TOX3: variants seen among roughly 807,000 people sequenced by gnomAD.
TOX3 encodes the protein CAG trinucleotide repeat-containing gene F9 protein.
A neutral mutation model predicts 64.3 loss-of-function variants in TOX3; 22 were observed. The ratio of observed to expected loss-of-function variants is 0.34; its 90% CI spans 0.24 to 0.49. TOX3 has a LOEUF of 0.49. Among genes scored for constraint, TOX3 ranks in the 20% least tolerant of loss-of-function variants. The pLI, the probability that TOX3 is intolerant of heterozygous loss-of-function variation, is 0.99. For synonymous variants in TOX3, 291 were observed against 273.6 expected (o/e 1.06, Z -0.63); for missense variants, 661 against 714.4 (o/e 0.93, Z 0.85).
At chr16:52,508,636 T>A (rs941901434) in intron 1 of TOX3, among the ~76,000 whole-genome samples, 1 of 152,086 alleles carries the variant, frequency 6.6e-6, no homozygotes, top group African/African-American at 2.4e-5. Flanking sequence ...TATGGTAAAA[T>A]TTTATATAAA....
rs755741996 is a variant in TOX3 at position 52,439,929 on chromosome 16, C to T, written c.1027G>A (p.Val343Ile). ...ESAEAQTIRSVQQTLASTNLT... is the reference protein window; with the variant it reads ...ESAEAQTIRSIQQTLASTNLT... Reference sequence around the variant, plus strand: ...TTGGTCGACGCCAGGGTCTGCTGAACAGAACGGATGGTCTGGGCTTCTGCT... The same window carrying T: ...TTGGTCGACGCCAGGGTCTGCTGAATAGAACGGATGGTCTGGGCTTCTGCT... Residue 343 changes from valine to isoleucine, a missense_variant, in exon 7 of 7, where the codon GTT (valine) becomes ATT (isoleucine). By Grantham distance (29) the Val-to-Ile change is conservative. Coordinates refer to ENST00000219746, the MANE Select transcript of TOX3 (RefSeq NM_001080430.4). 6.3e-7 allele frequency: 1 copy of T among 1,596,810 alleles called. No individual in the cohort carries two copies. The highest frequency in any genetic ancestry group is 2.2e-5 in the East Asian group (1 of 44,776).
At chr16:52,492,326 T>C (rs149807326) in intron 1 of TOX3, among the ~76,000 whole-genome samples, 4,339 of 146,094 alleles carry the variant, frequency 0.03, 102 homozygotes, top group Non-Finnish European at 0.05. Flanking sequence ...ATAATGAAAT[T>C]TGGATATTAC....
chr16:52,546,754 G>C lies in TOX3; in HGVS notation c.-31C>G. ...AGCTGGGCCCGGGGCCGGGGGCCGG[G>C]ACTGGGGTTCGCCGGGGCCGGGACC... On this transcript the variant is annotated 5_prime_UTR_variant, in exon 1 of 7. Coordinates refer to ENST00000219746, the MANE Select transcript of TOX3 (RefSeq NM_001080430.4). The C allele has an allele frequency of 6.7e-7, 1 of 1,482,810 alleles. No individual in the cohort carries two copies. Among genetic ancestry groups the C allele is most frequent in the Non-Finnish European group, 8.9e-7 (1 of 1,119,674 alleles). 91.9% of individuals were successfully genotyped at this position (1,482,810 alleles called of 1,614,324 possible). A position where few individuals can be genotyped will look rare whatever the true frequency, so the allele number is the denominator to read the frequency against.
chr16:52,446,726 T>G (rs778814089), intron 4 of TOX3, among the ~76,000 whole-genome samples: 1 of 152,174 alleles, frequency 6.6e-6, no homozygotes, highest in African/African-American at 2.4e-5. Flanking sequence ...AATGTTACTT[T>G]GCTAATGGCT....
At chr16:52,445,288 T>C (rs1028949759) in intron 5 of TOX3, 1 of 152,216 alleles carries the variant, frequency 6.6e-6, no homozygotes, top group Non-Finnish European at 1.5e-5. Flanking sequence ...TTATCACTCA[T>C]AGGAGTTGAT....
rs1332643990 is a variant in TOX3 at position 52,546,620 on chromosome 16, C to A, written c.87+17G>T. ...AGGTGGCCCCCGCCCCCCGGCCCAC[C>A]GGCCCAGCCCGGTCACCTTGCTGTA... is the stretch of plus-strand genomic sequence containing the variant. On this transcript the variant is annotated intron_variant, in intron 1 of 6. Transcript: ENST00000219746. 2 of 1,534,570 alleles carry A rather than the reference C, an allele frequency of 1.3e-6. No homozygotes were observed. The highest frequency in any genetic ancestry group is 4.0e-5 in the Admixed American group (2 of 50,288).
intron 1 of TOX3, among the ~76,000 whole-genome samples, chr16:52,535,689 A>T (rs1488772373): frequency 6.6e-6 from 1 of 152,162 alleles, no homozygotes; most frequent in Non-Finnish European, 1.5e-5. Flanking sequence ...GGGGCCTCCT[A>T]TTCCTTGACC....
At chr16:52,506,620 A>G (rs969341391) in intron 1 of TOX3, among the ~76,000 whole-genome samples, 1 of 152,172 alleles carries the variant, frequency 6.6e-6, no homozygotes, top group Non-Finnish European at 1.5e-5. Context: ...GTTCATAACC[A>G]CAAGCTTATT....
At chr16:52,538,216 G>T (rs982562498) in intron 1 of TOX3, among the ~76,000 whole-genome samples, 1 of 152,170 alleles carries the variant, frequency 6.6e-6, no homozygotes, top group East Asian at 1.9e-4. Flanking sequence ...TTTATTAACT[G>T]TTTGATATTT....
intron 1 of TOX3, among the ~76,000 whole-genome samples, chr16:52,517,781 A>G (rs751995647): frequency 5.6e-4 from 85 of 152,142 alleles, no homozygotes; most frequent in Non-Finnish European, 1.0e-3. Context: ...ACAAAATAAT[A>G]CTTTTAAAAT....
At chr16:52,455,370 C>G (rs887459474) in intron 3 of TOX3, among the ~76,000 whole-genome samples, 3 of 151,964 alleles carry the variant, frequency 2.0e-5, no homozygotes, top group Non-Finnish European at 4.4e-5. Flanking sequence ...TACCAGTAGC[C>G]GCCCTTTCCC....
intron 5 of TOX3, chr16:52,445,765 C>A: frequency 2.1e-6 from 1 of 465,790 alleles, no homozygotes; most frequent in Non-Finnish European, 3.8e-6. Flanking sequence ...TTTCTTCCAA[C>A]CTTCCTCTGA....
intron 5 of TOX3, chr16:52,444,938 C>T (rs949124688): frequency 6.6e-6 from 1 of 152,234 alleles, no homozygotes; most frequent in African/African-American, 2.4e-5. Flanking sequence ...AGTGACCCCA[C>T]TGAGTTACAT....
chr16:52,478,265 A>G (rs919434474), intron 1 of TOX3, among the ~76,000 whole-genome samples: 1 of 152,134 alleles, frequency 6.6e-6, no homozygotes, highest in Non-Finnish European at 1.5e-5. Flanking sequence ...AGCAGCTGCC[A>G]CCCACTAAGC....
rs575983180 is a variant in TOX3 at position 52,440,363 on chromosome 16, A to T, written c.988-395T>A. 9.7e-4 allele frequency among the ~76,000 whole-genome samples: 147 copies of T among 152,272 alleles called. 1 individual carries two copies. In the South Asian group the frequency reaches 0.027, roughly 28 times the overall value. The stretch of plus-strand genomic sequence containing the variant: ...ATGAGTCCAGCCCCCTCCAACATGC[A>T]AGCTGACCCCAGACAGAAAAGCAAG... On this transcript the variant is annotated intron_variant, in intron 6 of 6. Coordinates refer to ENST00000219746, the MANE Select transcript of TOX3 (RefSeq NM_001080430.4).
chr16:52,477,077 G>A (rs60416133), intron 1 of TOX3, among the ~76,000 whole-genome samples: 2 of 152,102 alleles, frequency 1.3e-5, no homozygotes, highest in Non-Finnish European at 2.9e-5. Context: ...CCATCATCTA[G>A]GTACTGAGTA....
At chr16:52,482,505 A>T (rs1036595231) in intron 1 of TOX3, among the ~76,000 whole-genome samples, 1 of 152,214 alleles carries the variant, frequency 6.6e-6, no homozygotes, top group Non-Finnish European at 1.5e-5. Context: ...GGAAAAACAG[A>T]TGTAAAAGTT....
At chr16:52,509,121 T>G (rs1962235653) in intron 1 of TOX3, among the ~76,000 whole-genome samples, 1 of 152,228 alleles carries the variant, frequency 6.6e-6, no homozygotes. Context: ...TATTTGGAAT[T>G]ATAACTATAC....
At chr16:52,492,482 T>C (rs868615711) in intron 1 of TOX3, among the ~76,000 whole-genome samples, 28 of 112,860 alleles carry the variant, frequency 2.5e-4, no homozygotes, top group Middle Eastern at 4.1e-3. Context: ...CCAATTTATA[T>C]ATATAATATA....
Sources: gnomAD v4.1 joint callset for allele counts (sites outside exome capture counted in the v4.1 genomes callset) on GRCh38, gnomAD v4.1.1 for gene constraint, MANE v1.5 for transcripts, NCBI Gene and HGNC (gene_info 2026-07-23, HGNC 2026-07-21) for gene names.